Variants in EFCAB6 observed in about 807,000 individuals in gnomAD.
The protein encoded by EFCAB6 is EF-hand calcium-binding domain-containing protein 6.
EFCAB6 carries 156 observed loss-of-function variants against 169.8 expected under a neutral mutation model. The observed-to-expected ratio is 0.92, with a 90% CI of 0.81 to 1.05. The LOEUF is 1.05. Ranked by LOEUF, EFCAB6 falls within the 50% of genes least tolerant of loss-of-function variation. The probability of loss-of-function intolerance (pLI) is 0.00; values close to 1 mark genes in which losing one functional copy is unlikely to be tolerated. For missense variants in EFCAB6, 1,800 were observed against 1,829.1 expected, an observed-to-expected ratio of 0.98 and a Z score of 0.29; for synonymous variants, 698 against 676.4, an observed-to-expected ratio of 1.03 and a Z score of -0.50.
intron 7 of EFCAB6, among the ~76,000 whole-genome samples, chr22:43,735,344 TCC>T (rs2060094358): frequency 1.3e-5 from 1 of 78,916 alleles, no homozygotes; most frequent in Non-Finnish European, 2.9e-5. Context: ...CACCCCACCC[TCC>T]TGCCGCACAC....
chr22:43,593,234 C>T (rs2051704904), intron 23 of EFCAB6, among the ~76,000 whole-genome samples: 1 of 152,202 alleles, frequency 6.6e-6, no homozygotes, highest in Non-Finnish European at 1.5e-5. Flanking sequence ...ACTAAGAGAG[C>T]ATGGGTGTGG....
intron 3 of EFCAB6, 149 bp from the exon 4 acceptor site, chr22:43,773,252 T>G: frequency 1.3e-6 from 1 of 767,936 alleles, no homozygotes; most frequent in Non-Finnish European, 2.0e-6. Flanking sequence ...GTTAGATGAC[T>G]TGTAATGAAA....
intron 29 of EFCAB6, chr22:43,535,181 C>T: frequency 3.7e-6 from 1 of 273,300 alleles, no homozygotes; most frequent in Non-Finnish European, 6.8e-6. Context: ...GTGTTCCCCG[C>T]CGTGTCAGGG....
intron 20 of EFCAB6, among the ~76,000 whole-genome samples, chr22:43,621,250 G>A (rs2054097690): frequency 1.4e-5 from 2 of 142,300 alleles, no homozygotes; most frequent in South Asian, 4.5e-4. Flanking sequence ...CACCACACCT[G>A]GCTGATTTAT....
intron 2 of EFCAB6, chr22:43,802,836 T>G (rs2062774679): frequency 2.4e-6 from 1 of 416,236 alleles, no homozygotes; most frequent in Non-Finnish European, 4.6e-6. Context: ...GAAATACTAT[T>G]TTTAATCAAG....
chr22:43,665,456 T>G (rs1301286430), intron 17 of EFCAB6, among the ~76,000 whole-genome samples: 2 of 152,162 alleles, frequency 1.3e-5, no homozygotes, highest in Non-Finnish European at 2.9e-5. Flanking sequence ...AGACTAGGGA[T>G]TATTAGTTTC....
chr22:43,766,489 G>A (rs1157359753), intron 4 of EFCAB6, among the ~76,000 whole-genome samples: 1 of 152,134 alleles, frequency 6.6e-6, no homozygotes, highest in African/African-American at 2.4e-5. Flanking sequence ...GGCATTATTT[G>A]TACCATATGA....
chr22:43,618,194 G>GGAAGGAAGC, intron 20 of EFCAB6, among the ~76,000 whole-genome samples: 1 of 146,104 alleles, frequency 6.8e-6, no homozygotes, highest in African/African-American at 2.5e-5. Flanking sequence ...AAGAAAGAAA[G>GGAAGGAAGC]AAAGAAAGAA....
At chr22:43,586,340 A>ATT (rs36058832) in intron 24 of EFCAB6, among the ~76,000 whole-genome samples, 13,811 of 72,228 alleles carry the variant, frequency 0.19, 2,478 homozygotes, top group East Asian at 0.42. Context: ...GCAACAACTG[A>ATT]TTTTTTTTTT....
Position 43,581,516 on chromosome 22 carries a change from G to A in EFCAB6, c.3033-857C>T, listed in dbSNP as rs138821928. ...GTGAGGTAAAATCCAAAAGTCTCAC[G>A]GAACATATAGCATATCTATTAAAGA... On this transcript the variant is annotated intron_variant, in intron 24 of 31. Coordinates refer to ENST00000262726, the MANE Select transcript of EFCAB6 (RefSeq NM_022785.4). 6.8e-3 allele frequency among the ~76,000 whole-genome samples: 1,034 copies of A among 152,258 alleles called. 19 individuals are homozygous for A. The highest frequency in any genetic ancestry group is 7.2e-3 in the Non-Finnish European group (492 of 68,034).
intron 6 of EFCAB6, among the ~76,000 whole-genome samples, chr22:43,739,430 G>A (rs1408070839): frequency 6.6e-6 from 1 of 151,530 alleles, no homozygotes; most frequent in Non-Finnish European, 1.5e-5. Context: ...AGCATTTTAG[G>A]ACTCAGTCCT....
At chr22:43,734,725 G>T (rs2060071430) in intron 7 of EFCAB6, among the ~76,000 whole-genome samples, 2 of 151,792 alleles carry the variant, frequency 1.3e-5, no homozygotes, top group Non-Finnish European at 2.9e-5. Context: ...TCTGAGGTGG[G>T]TTATAAAGAG....
At chr22:43,716,769 G>T in intron 9 of EFCAB6, 79 bp downstream of exon 9, 1 of 1,503,430 alleles carries the variant, frequency 6.7e-7, no homozygotes, top group Non-Finnish European at 8.9e-7. Context: ...GAAATAATGT[G>T]TAAACCTAAT....
chr22:43,795,612 A>C lies in EFCAB6; in HGVS notation c.-7-13287T>G, dbSNP rs148116356. 3.9e-5 allele frequency among the ~76,000 whole-genome samples: 6 copies of C among 152,124 alleles called. No individual in the cohort carries two copies. The East Asian group carries it at 1.2e-3, about 29-fold the overall frequency. On this transcript the variant is annotated intron_variant, in intron 2 of 31. Transcript: ENST00000262726. This position sits in a 1 kb window ranked among gnomAD's most constrained non-coding sequence, Gnocchi z 4.2. ...TTGCAGAGTCTCTCACACAGCCTGC[A>C]CTTCTCCGGCACTGTACATACCCCA...
intron 24 of EFCAB6, among the ~76,000 whole-genome samples, chr22:43,588,116 A>G (rs971905813): frequency 6.6e-6 from 1 of 152,232 alleles, no homozygotes; most frequent in Non-Finnish European, 1.5e-5. Flanking sequence ...AAAAAGTTTT[A>G]AAGATACTGA....
intron 26 of EFCAB6, among the ~76,000 whole-genome samples, chr22:43,568,239 A>G (rs1180639140): frequency 3.3e-5 from 5 of 152,188 alleles, no homozygotes; most frequent in Non-Finnish European, 7.3e-5. Context: ...CCAGTGCAGC[A>G]TCCTGAGCCA....
chr22:43,692,551 G>T (rs1482988826), intron 10 of EFCAB6, among the ~76,000 whole-genome samples: 2 of 151,824 alleles, frequency 1.3e-5, no homozygotes, highest in Non-Finnish European at 2.9e-5. Context: ...ACAATAAAAA[G>T]AACTAATGGA....
intron 2 of EFCAB6, among the ~76,000 whole-genome samples, chr22:43,801,731 A>G (rs2062724018): frequency 6.6e-6 from 1 of 152,216 alleles, no homozygotes; most frequent in African/African-American, 2.4e-5. Flanking sequence ...TAATGCAAAA[A>G]CCTAAAAAGC....
intron 10 of EFCAB6, among the ~76,000 whole-genome samples, chr22:43,700,743 T>C (rs560822806): frequency 2.0e-5 from 3 of 152,346 alleles, no homozygotes; most frequent in African/African-American, 7.2e-5. Context: ...CTGGTTTCTT[T>C]CACTTAGCAC....
Sources: allele counts gnomAD v4.1 joint callset (sites outside exome capture counted in the v4.1 genomes callset), GRCh38; gene constraint gnomAD v4.1.1; non-coding constraint Gnocchi (gnomAD v3.1); transcripts MANE v1.5; gene names NCBI Gene and HGNC (gene_info 2026-07-23, HGNC 2026-07-21).